FABP7: variants seen among roughly 807,000 people sequenced by gnomAD.
The protein encoded by FABP7 is fatty acid binding protein 7, also known as fatty acid-binding protein, brain.
In FABP7, 13 loss-of-function variants were observed where a neutral mutation model predicts 14.2. The observed-to-expected ratio is 0.91, with a 90% CI of 0.59 to 1.45. The LOEUF is 1.45. Ranked by LOEUF, FABP7 falls within the 40% of genes most tolerant of loss-of-function variation. The probability of loss-of-function intolerance (pLI) is 0.00; values close to 1 mark genes in which losing one functional copy is unlikely to be tolerated. For synonymous variants in FABP7, 49 were observed against 51.4 expected (o/e 0.95, Z 0.20); for missense variants, 149 against 157.6 (o/e 0.95, Z 0.29).
upstream of FABP7, among the ~76,000 whole-genome samples, chr6:122,774,887 T>A (rs1780645261): frequency 6.6e-6 from 1 of 151,274 alleles, no homozygotes; most frequent in Admixed American, 6.6e-5. Context: ...AAAAAAGATA[T>A]CAAGAAGGCA....
chr6:122,759,650 C>T, the FABP7 span, among the ~76,000 whole-genome samples: 3 of 152,086 alleles, frequency 2.0e-5, no homozygotes, highest in Non-Finnish European at 4.4e-5. Flanking sequence ...TAAACTGAGG[C>T]ACAGAGAAGT....
Position 122,779,775 on chromosome 6 carries a change from A to T in FABP7, c.-20A>T. On this transcript the variant is annotated 5_prime_UTR_variant, in exon 1 of 4. Coordinates refer to ENST00000368444, the MANE Select transcript of FABP7 (RefSeq NM_001446.5). ...CCAGAAGATCCCCGCTCCTGTCTCT[A>T]AAGAGGGGAAAGGGCAAGGATGGTG... 6.2e-7 allele frequency: 1 copy of T among 1,613,504 alleles called. No homozygotes were observed. The highest frequency in any genetic ancestry group is 8.5e-7 in the Non-Finnish European group (1 of 1,179,546).
chr6:122,778,460 T>C (rs1453253471), upstream of FABP7, among the ~76,000 whole-genome samples: 1 of 152,150 alleles, frequency 6.6e-6, no homozygotes, highest in Non-Finnish European at 1.5e-5. Flanking sequence ...CCTTCTCTGT[T>C]GGATCTGGTG....
chr6:122,761,170 G>A, the FABP7 span, among the ~76,000 whole-genome samples: 61 of 152,066 alleles, frequency 4.0e-4, 3 homozygotes, highest in Non-Finnish European at 5.9e-5. Context: ...TGCTTCCTGA[G>A]GTATGAGATA....
At position 122,783,907 on chromosome 6, in the gene FABP7, C is replaced by T; in HGVS notation, c.*140C>T. Reference sequence around the variant, plus strand: ...GAGGTGGAAAATGGTGATTTAAAAACTTGTTACTCCAAGCAACTTGCCCAA... The same window carrying T: ...GAGGTGGAAAATGGTGATTTAAAAATTTGTTACTCCAAGCAACTTGCCCAA... On this transcript the variant is annotated 3_prime_UTR_variant, in exon 4 of 4. Transcript: ENST00000368444. The T allele has an allele frequency of 1.6e-6, 1 of 620,354 alleles. No homozygotes were observed. Among genetic ancestry groups the T allele is most frequent in the Non-Finnish European group, 2.7e-6 (1 of 373,202 alleles). 38.4% of individuals were successfully genotyped at this position (620,354 alleles called of 1,614,324 possible).
the FABP7 span, among the ~76,000 whole-genome samples, chr6:122,772,454 A>G: frequency 2.0e-5 from 3 of 152,096 alleles, no homozygotes; most frequent in East Asian, 1.9e-4. Context: ...GACCTAGTCT[A>G]TATTGCTCAG....
chr6:122,771,552 A>T, the FABP7 span, among the ~76,000 whole-genome samples: 1 of 152,200 alleles, frequency 6.6e-6, no homozygotes, highest in Non-Finnish European at 1.5e-5. Context: ...AAGGACAATT[A>T]CCATGCATAC....
the FABP7 span, among the ~76,000 whole-genome samples, chr6:122,756,667 C>T: frequency 8.5e-5 from 13 of 152,300 alleles, no homozygotes; most frequent in East Asian, 2.5e-3. Context: ...GATAATACAT[C>T]CCGTTTGTCT....
chr6:122,765,162 G>A, the FABP7 span, among the ~76,000 whole-genome samples: 146,307 of 152,082 alleles, frequency 0.96, 70,605 homozygotes, highest in East Asian at 1. Context: ...TCTCAATTCT[G>A]CAATGGAAAA....
chr6:122,781,372 G>A (rs1005185482), intron 3 of FABP7, 178 bp downstream of exon 3: 3 of 1,453,418 alleles, frequency 2.1e-6, no homozygotes, highest in Admixed American at 2.5e-5. Context: ...AAAGATCCCA[G>A]TTAATTTTCT....
the FABP7 span, among the ~76,000 whole-genome samples, chr6:122,754,716 T>C: frequency 6.6e-6 from 1 of 150,862 alleles, no homozygotes; most frequent in Non-Finnish European, 1.5e-5. Context: ...GTGCTAAGAC[T>C]ATCCTCTTTT....
chr6:122,768,474 A>G, the FABP7 span, among the ~76,000 whole-genome samples: 2 of 152,288 alleles, frequency 1.3e-5, no homozygotes, highest in East Asian at 3.9e-4. Flanking sequence ...ATGTAGATGC[A>G]CTGAACTAAA....
chr6:122,752,156 A>C, the FABP7 span, among the ~76,000 whole-genome samples: 2 of 152,176 alleles, frequency 1.3e-5, no homozygotes, highest in Non-Finnish European at 2.9e-5. Flanking sequence ...ATTGAGGAAA[A>C]GGCAAAGGAG....
At chr6:122,764,387 A>G in the FABP7 span, among the ~76,000 whole-genome samples, 3 of 147,354 alleles carry the variant, frequency 2.0e-5, no homozygotes, top group Non-Finnish European at 3.0e-5. Flanking sequence ...AGGGCCTGTC[A>G]TGGGGTGGGG....
the FABP7 span, among the ~76,000 whole-genome samples, chr6:122,766,848 C>CA: frequency 1.3e-5 from 2 of 151,858 alleles, no homozygotes; most frequent in African/African-American, 4.8e-5. Context: ...CCATTAATTG[C>CA]ACGTTTTATG....
chr6:122,781,540 T>G, intron 3 of FABP7: 1 of 1,301,744 alleles, frequency 7.7e-7, no homozygotes, highest in South Asian at 2.6e-5. Flanking sequence ...AAGCCCATAA[T>G]CACTGAAATA....
At chr6:122,782,315 C>T (rs758594987) in intron 3 of FABP7, 49 of 634,146 alleles carry the variant, frequency 7.7e-5, no homozygotes, top group Non-Finnish European at 8.4e-5. Flanking sequence ...GAGATCAAGG[C>T]GACCCTAGTG....
At chr6:122,757,084 T>C in the FABP7 span, among the ~76,000 whole-genome samples, 283 of 152,302 alleles carry the variant, frequency 1.9e-3, 5 homozygotes, top group South Asian at 0.035. Context: ...TATCTTCTGG[T>C]TTCTCCTAAG....
the FABP7 span, among the ~76,000 whole-genome samples, chr6:122,752,120 A>G: frequency 1.3e-5 from 2 of 149,992 alleles, no homozygotes; most frequent in Non-Finnish European, 2.9e-5. Flanking sequence ...AACCTCCCCT[A>G]GCAACTTTTC....
Sources: gnomAD v4.1 joint callset for allele counts (sites outside exome capture counted in the v4.1 genomes callset) on GRCh38, gnomAD v4.1.1 for gene constraint, MANE v1.5 for transcripts, NCBI Gene and HGNC (gene_info 2026-07-23, HGNC 2026-07-21) for gene names.